TRIM66: variants seen among roughly 807,000 people sequenced by gnomAD.
TRIM66 encodes tripartite motif containing 66.
Under a neutral mutation model 148.2 loss-of-function variants are expected in TRIM66, and 99 were observed. That is an observed-to-expected ratio of 0.67 (90% CI 0.57 to 0.79). The LOEUF is 0.79. TRIM66 is among the 30% of genes least tolerant of loss of function. The probability of loss-of-function intolerance (pLI) is 0.00; values close to 1 mark genes in which losing one functional copy is unlikely to be tolerated. For synonymous variants in TRIM66, 616 were observed against 635.9 expected (o/e 0.97, Z 0.47); for missense variants, 1,666 against 1,697.9 (o/e 0.98, Z 0.33).
chr11:8,669,728 A>G (rs1198116686), intron 6 of TRIM66, among the ~76,000 whole-genome samples: 1 of 152,096 alleles, frequency 6.6e-6, no homozygotes, highest in South Asian at 2.1e-4. Flanking sequence ...GGTCTGTCCA[A>G]GGGCTGTGGG....
At chr11:8,662,202 C>A (rs1174660994) in intron 6 of TRIM66, among the ~76,000 whole-genome samples, 1 of 152,198 alleles carries the variant, frequency 6.6e-6, no homozygotes, top group Non-Finnish European at 1.5e-5. Context: ...AGGCTGGACA[C>A]ACTGCAGCAC....
At chr11:8,623,760 A>G (rs2034535603) in intron 17 of TRIM66, among the ~76,000 whole-genome samples, 1 of 152,166 alleles carries the variant, frequency 6.6e-6, no homozygotes, top group African/African-American at 2.4e-5. Context: ...AATCAGAACC[A>G]ATCTCCAATG....
At chr11:8,665,885 T>C (rs935749519) in intron 6 of TRIM66, among the ~76,000 whole-genome samples, 2 of 138,680 alleles carry the variant, frequency 1.4e-5, no homozygotes, top group African/African-American at 5.4e-5. Flanking sequence ...GGAGGTGGAG[T>C]TTGCAGTGAG....
At chr11:8,680,571 G>A (rs1247681785) in intron 1 of TRIM66, 2 of 152,230 alleles carry the variant, frequency 1.3e-5, no homozygotes, top group Admixed American at 6.5e-5. Flanking sequence ...TTATCTAGGT[G>A]GACAATGGTG....
At chr11:8,663,525 C>T (rs772238166) in intron 6 of TRIM66, among the ~76,000 whole-genome samples, 45 of 152,126 alleles carry the variant, frequency 3.0e-4, no homozygotes, top group Non-Finnish European at 6.2e-4. Context: ...TCTACTGTCT[C>T]GCTCTCTCTC....
chr11:8,619,688 G>C (rs899079105), intron 22 of TRIM66, among the ~76,000 whole-genome samples, 153 bp from the exon 23 acceptor site: 3 of 152,224 alleles, frequency 2.0e-5, no homozygotes, highest in Non-Finnish European at 4.4e-5. Flanking sequence ...GAAAAGGATG[G>C]AGAAAGAAGA....
intron 6 of TRIM66, among the ~76,000 whole-genome samples, chr11:8,664,873 T>C (rs1195542644): frequency 1.3e-5 from 2 of 151,976 alleles, no homozygotes; most frequent in African/African-American, 2.4e-5. Flanking sequence ...GGAGGCTCTG[T>C]TGAAGAATTA....
intron 15 of TRIM66, among the ~76,000 whole-genome samples, chr11:8,632,375 A>C (rs2035484321): frequency 6.6e-6 from 1 of 152,170 alleles, no homozygotes. Flanking sequence ...GACTGGTTTA[A>C]CAGTAGCAGA....
chr11:8,655,371 G>A (rs2037734323), intron 6 of TRIM66, among the ~76,000 whole-genome samples: 1 of 152,130 alleles, frequency 6.6e-6, no homozygotes, highest in Non-Finnish European at 1.5e-5. Flanking sequence ...TGTAACCTTG[G>A]GTAAGTCACC....
In TRIM66 at chr11:8,624,891, C is replaced by T; in HGVS notation, c.2648G>A (p.Ser883Asn). 2 of 1,551,642 alleles carry T rather than the reference C, an allele frequency of 1.3e-6. No individual in the cohort carries two copies. The highest frequency in any genetic ancestry group is 1.7e-6 in the Non-Finnish European group (2 of 1,146,932). The change falls in exon 16 of 25, where the codon AGC (serine) becomes AAC (asparagine). Residue 883 changes from serine (S) to asparagine (N), a missense_variant. Physicochemically the swap from Ser to Asn is conservative, Grantham distance 46. Around this residue, in one of 3 missense-constraint regions of TRIM66, gnomAD observed 1,431 missense variants for 1,412.4 expected, o/e 1.01. Transcript: ENST00000646038. ...LASDHPQAGP[S>N]LMSGHTQAVP... ...AGCCTGGGTGTGACCAGACATTAGG[C>T]TGGGCCCAGCCTGAGGGTGATCACT...
chr11:8,682,810 C>A (rs372050010), upstream of TRIM66: 3 of 1,613,126 alleles, frequency 1.9e-6, no homozygotes, highest in African/African-American at 2.7e-5. Context: ...TCTGGGCTGC[C>A]AACATGGTAG....
At chr11:8,645,028 A>T (rs1285842124) in intron 12 of TRIM66, among the ~76,000 whole-genome samples, 1 of 152,136 alleles carries the variant, frequency 6.6e-6, no homozygotes, top group Non-Finnish European at 1.5e-5. Context: ...TCCAGTCATC[A>T]TCTTCCTCTG....
At chr11:8,629,624 G>A (rs1185592974) in intron 15 of TRIM66, among the ~76,000 whole-genome samples, 1 of 152,168 alleles carries the variant, frequency 6.6e-6, no homozygotes, top group East Asian at 1.9e-4. Context: ...TAATGATAGG[G>A]GAGAGGAAGA....
chr11:8,653,781 C>T (rs118143986), intron 6 of TRIM66, among the ~76,000 whole-genome samples: 7,693 of 151,412 alleles, frequency 0.051, 260 homozygotes, highest in Non-Finnish European at 0.069. Context: ...TACTCCCTCA[C>T]CCCACCAAAA....
intron 3 of TRIM66, among the ~76,000 whole-genome samples, chr11:8,676,608 A>G (rs1565581632): frequency 6.6e-6 from 1 of 152,242 alleles, no homozygotes; most frequent in Non-Finnish European, 1.5e-5. Flanking sequence ...TAGAAGAGCA[A>G]TTGAAGTAAC....
chr11:8,655,519 A>G (rs1245893429), intron 6 of TRIM66, among the ~76,000 whole-genome samples: 1 of 152,108 alleles, frequency 6.6e-6, no homozygotes, highest in Admixed American at 6.6e-5. Flanking sequence ...ACGGTGGCTC[A>G]TGCCTGTAAT....
intron 15 of TRIM66, 85 bp downstream of exon 15, chr11:8,638,569 C>T: frequency 1.4e-6 from 2 of 1,457,034 alleles, no homozygotes; most frequent in South Asian, 1.3e-5. Context: ...GCTCCTCCCC[C>T]CACCCTATCC....
intron 18 of TRIM66, among the ~76,000 whole-genome samples, chr11:8,622,326 TAC>T (rs1413650262): frequency 3.9e-4 from 33 of 85,636 alleles, no homozygotes; most frequent in South Asian, 7.5e-4. Flanking sequence ...TATATGGAAG[TAC>T]ACACACACAC....
At chr11:8,641,701 C>T (rs1036047962) in intron 13 of TRIM66, among the ~76,000 whole-genome samples, 8 of 152,102 alleles carry the variant, frequency 5.3e-5, no homozygotes, top group African/African-American at 1.9e-4. Flanking sequence ...GAATTGTAAT[C>T]CCCAGTGTTG....
Sources: gnomAD v4.1 joint callset for allele counts (sites outside exome capture counted in the v4.1 genomes callset) on GRCh38, gnomAD v4.1.1 for gene constraint, gnomAD v4.1.1 regional missense constraint, MANE v1.5 for transcripts, NCBI Gene and HGNC (gene_info 2026-07-23, HGNC 2026-07-21) for gene names.